Variants in BRD3 observed in about 807,000 individuals in gnomAD.
The protein encoded by BRD3 is bromodomain-containing protein 3.
A neutral mutation model predicts 66.8 loss-of-function variants in BRD3; 17 were observed. That is an observed-to-expected ratio of 0.25 (90% confidence interval 0.17 to 0.38). The LOEUF is 0.38. BRD3 is among the 10% of genes least tolerant of loss of function. The pLI is 1.00. For missense variants in BRD3, 713 were observed against 956.1 expected (o/e 0.75, Z 3.35); for synonymous variants, 421 against 393.2 (o/e 1.07, Z -0.84).
At position 134,033,384 on chromosome 9, in the gene BRD3, CA is replaced by C; in HGVS notation, c.*205del. The C allele has an allele frequency of 2.1e-6, 1 of 477,310 alleles. No individual in the cohort carries two copies. 29.6% of individuals were successfully genotyped at this position (477,310 alleles called of 1,614,324 possible). A position where few individuals can be genotyped will look rare whatever the true frequency, so the allele number is the denominator to read the frequency against. ...TCAGTGATGAAGAAGAGACTTTCTGCAGAGTTCACACCTTCTCATCAAGTCT... is the reference window on the plus strand; with the variant it reads ...TCAGTGATGAAGAAGAGACTTTCTGCGAGTTCACACCTTCTCATCAAGTCT... On this transcript the variant is annotated 3_prime_UTR_variant, in exon 12 of 12. Coordinates refer to ENST00000303407, the MANE Select transcript of BRD3 (RefSeq NM_007371.4). This position sits in a 1 kb window ranked among gnomAD's most constrained non-coding sequence, Gnocchi z 5.1.
At position 134,041,645 on chromosome 9, in the gene BRD3, G is replaced by A. The variant is rs566811919; in HGVS notation, c.1407+115C>T. ...TGTCTTTACGGGGAAGCACTACCGC[G>A]GCTGCTGAGGGACAGGGGCAGAGGA... On this transcript the variant is annotated intron_variant, in intron 8 of 11. Coordinates refer to ENST00000303407, the MANE Select transcript of BRD3 (RefSeq NM_007371.4). 67 of 1,324,150 alleles carry A rather than the reference G, an allele frequency of 5.1e-5. No individual in the cohort carries two copies. The African/African-American group carries it at 8.0e-4, about 16-fold the overall frequency. 82.0% of individuals were successfully genotyped at this position (1,324,150 alleles called of 1,614,324 possible). A position where few individuals can be genotyped will look rare whatever the true frequency, so the allele number is the denominator to read the frequency against.
chr9:134,036,872 G>A (rs1588273052), intron 9 of BRD3, among the ~76,000 whole-genome samples: 1 of 152,086 alleles, frequency 6.6e-6, no homozygotes, highest in African/African-American at 2.4e-5. Flanking sequence ...TTAGCCGGGC[G>A]TGGTGGCGGG....
In BRD3 at chr9:134,032,978, A is replaced by G. The variant is rs941460562; in HGVS notation, c.*612T>C. 1 of 396,338 alleles carries G rather than the reference A, an allele frequency of 2.5e-6. No homozygotes were observed. The highest frequency in any genetic ancestry group is 4.4e-6 in the Non-Finnish European group (1 of 225,178). 24.6% of individuals were successfully genotyped at this position (396,338 alleles called of 1,614,324 possible). Reference sequence around the variant, plus strand: ...GAGCTCCTGACATCACCACGAGCGGAGAACGCACATCCCACCCGACCACCC... The same window carrying G: ...GAGCTCCTGACATCACCACGAGCGGGGAACGCACATCCCACCCGACCACCC... On this transcript the variant is annotated 3_prime_UTR_variant, in exon 12 of 12. Transcript: ENST00000303407.
chr9:134,051,576 C>T lies in BRD3; in HGVS notation c.485G>A (p.Gly162Glu), dbSNP rs778987863. Reference sequence around the variant, plus strand: ...GCTCCCTTTACCTGCGCTCTGGGCTCCCGCAGCCGGCTTCCGACCTTTGCC... The same window carrying T: ...GCTCCCTTTACCTGCGCTCTGGGCTTCCGCAGCCGGCTTCCGACCTTTGCC... ...PKGKGRKPAA[G>E]AQSAGTQQVA... The change falls in exon 4 of 12, where the codon GGA (glycine) becomes GAA (glutamate). Residue 162 changes from glycine (G) to glutamate (E), a missense_variant. Around this residue, in one of 5 missense-constraint regions of BRD3, gnomAD observed 120 missense variants for 122.8 expected, o/e 0.98. Transcript: ENST00000303407. The T allele has an allele frequency of 6.4e-7, 1 of 1,555,872 alleles. No individual in the cohort carries two copies. The highest frequency in any genetic ancestry group is 2.4e-5 in the East Asian group (1 of 41,378).
At chr9:134,036,387 G>A (rs778679976) in intron 9 of BRD3, 63 bp from the exon 10 acceptor site, 31 of 1,573,014 alleles carry the variant, frequency 2.0e-5, no homozygotes, top group Non-Finnish European at 2.6e-5. Flanking sequence ...GGAGCCCACT[G>A]CACACACCCC....
chr9:134,060,625 C>G (rs1830520320), intron 1 of BRD3, among the ~76,000 whole-genome samples: 1 of 147,446 alleles, frequency 6.8e-6, no homozygotes. Flanking sequence ...CACACACGAT[C>G]TGGAATGCCA....
At chr9:134,050,955 T>C (rs1391111184) in intron 4 of BRD3, among the ~76,000 whole-genome samples, 2 of 152,214 alleles carry the variant, frequency 1.3e-5, no homozygotes, top group African/African-American at 4.8e-5. Context: ...GTGGCCGTAC[T>C]TAAGCCCCCA....
At chr9:134,056,090 C>T (rs1830417878) in intron 1 of BRD3, 1 of 152,354 alleles carries the variant, frequency 6.6e-6, no homozygotes, top group Non-Finnish European at 1.5e-5. Flanking sequence ...GGAGGGGCGC[C>T]CCAGGCTCTG....
chr9:134,059,535 C>T (rs1048734521), intron 1 of BRD3, among the ~76,000 whole-genome samples: 14 of 152,072 alleles, frequency 9.2e-5, no homozygotes, highest in Admixed American at 8.5e-4. Context: ...CTTCACCCCT[C>T]GCAGCTGCCC....
chr9:134,050,119 C>A (rs1350626795), intron 5 of BRD3, among the ~76,000 whole-genome samples: 1 of 152,238 alleles, frequency 6.6e-6, no homozygotes, highest in African/African-American at 2.4e-5. Context: ...TTGGCCAGGG[C>A]TTCTGGCCAG....
intron 10 of BRD3, among the ~76,000 whole-genome samples, chr9:134,035,667 G>A (rs557532701): frequency 2.2e-4 from 33 of 152,352 alleles, no homozygotes; most frequent in African/African-American, 7.7e-4. Flanking sequence ...GGAGCCTCAG[G>A]AAGGCATGCA....
chr9:134,067,119 G>A (rs980563855), intron 1 of BRD3, among the ~76,000 whole-genome samples: 11 of 152,362 alleles, frequency 7.2e-5, no homozygotes, highest in Middle Eastern at 3.4e-3. Context: ...CTTGTATCAC[G>A]TTGTCACTCC....
In BRD3 at chr9:134,048,272, G is replaced by A. The variant is rs552826595; in HGVS notation, c.897C>T (p.Pro299=). ...PKKDLEDGEV[P]QHAGKKGKLS... The stretch of plus-strand genomic sequence containing the variant: ...GCTTGCCCTTCTTGCCTGCGTGCTG[G>A]GGCACCTCGCCGTCCTCCAGGTCCT... Residue 299 remains proline, a synonymous_variant, in exon 6 of 12, where the codon CCC becomes CCT. Transcript: ENST00000303407. The A allele has an allele frequency of 3.7e-6, 6 of 1,608,764 alleles. No homozygotes were observed. The highest frequency in any genetic ancestry group is 1.7e-5 in the Admixed American group (1 of 59,904).
intron 1 of BRD3, among the ~76,000 whole-genome samples, chr9:134,066,522 T>C (rs1830657748): frequency 6.6e-6 from 1 of 150,698 alleles, no homozygotes; most frequent in African/African-American, 2.4e-5. Context: ...CAACTTTGCA[T>C]AGATTCCAGG....
At chr9:134,049,365 C>T (rs1391793710) in intron 5 of BRD3, among the ~76,000 whole-genome samples, 2 of 152,232 alleles carry the variant, frequency 1.3e-5, no homozygotes, top group African/African-American at 4.8e-5. Context: ...GCGGGAGCCA[C>T]GGCTCCCAGC....
Position 134,051,620 on chromosome 9 carries a change from T to C in BRD3, c.441A>G (p.Leu147=). Residue 147 remains leucine (L), a synonymous_variant, in exon 4 of 12, where the codon TTA becomes TTG. Transcript: ENST00000303407. ...CTTTGCCCTTTGGAGCAGGGGGTAA[T>C]AATTCAACTTCCTCTTGGGGCATCT... is the stretch of plus-strand genomic sequence containing the variant. ...VAQMPQEEVE[L]LPPAPKGKGR... 6.3e-7 allele frequency: 1 copy of C among 1,586,588 alleles called. No homozygotes were observed. Among genetic ancestry groups the C allele is most frequent in the Non-Finnish European group, 8.5e-7 (1 of 1,171,128 alleles).
intron 8 of BRD3, among the ~76,000 whole-genome samples, chr9:134,040,735 CTA>C (rs1403047193): frequency 6.6e-6 from 1 of 152,202 alleles, no homozygotes; most frequent in Non-Finnish European, 1.5e-5. Flanking sequence ...GAAGGACTCT[CTA>C]GAAGTTTAAA....
chr9:134,031,958 A>T lies in BRD3; in HGVS notation c.*1632T>A. 4.6e-6 allele frequency: 1 copy of T among 217,196 alleles called. No individual in the cohort carries two copies. The highest frequency in any genetic ancestry group is 9.3e-6 in the Non-Finnish European group (1 of 107,818). 13.5% of individuals were successfully genotyped at this position (217,196 alleles called of 1,614,324 possible). On this transcript the variant is annotated 3_prime_UTR_variant, in exon 12 of 12. Coordinates refer to ENST00000303407, the MANE Select transcript of BRD3 (RefSeq NM_007371.4). Reference sequence around the variant, plus strand: ...AGCACCGTGCGAGTCTCCGGGAGGGAATCCTCCTGGGGCCCAGAGACTCCT... The same window carrying T: ...AGCACCGTGCGAGTCTCCGGGAGGGTATCCTCCTGGGGCCCAGAGACTCCT...
intron 1 of BRD3, among the ~76,000 whole-genome samples, chr9:134,059,530 C>T (rs1830494529): frequency 1.2e-5 from 1 of 82,956 alleles, no homozygotes; most frequent in South Asian, 2.9e-4. Context: ...CCCTCCTTCA[C>T]CCCTCGCAGC....
Sources: gnomAD v4.1 joint callset for allele counts (sites outside exome capture counted in the v4.1 genomes callset) on GRCh38, gnomAD v4.1.1 for gene constraint, gnomAD v4.1.1 regional missense constraint, Gnocchi (gnomAD v3.1) non-coding constraint, MANE v1.5 for transcripts, NCBI Gene and HGNC (gene_info 2026-07-23, HGNC 2026-07-21) for gene names.